Variants in PRKDC observed in about 807,000 individuals in gnomAD.
The protein encoded by PRKDC is DNA-dependent protein kinase catalytic subunit.
PRKDC carries 82 observed loss-of-function variants against 486.9 expected under a neutral mutation model. The observed-to-expected ratio is 0.17, with a 90% confidence interval of 0.14 to 0.20. The LOEUF (loss-of-function observed/expected upper bound fraction) is 0.20, where lower values mean the gene tolerates loss of function less well. Among genes scored for constraint, PRKDC ranks in the 10% least tolerant of loss-of-function variants. The pLI is 1.00. For missense variants in PRKDC, 4,504 were observed against 5,038.2 expected, an observed-to-expected ratio of 0.89 and a Z score of 3.21; for synonymous variants, 1,895 against 1,837.0, an observed-to-expected ratio of 1.03 and a Z score of -0.81.
At chr8:47,921,233 C>A (rs993009124) in intron 21 of PRKDC, among the ~76,000 whole-genome samples, 1 of 150,292 alleles carries the variant, frequency 6.7e-6, no homozygotes, top group Non-Finnish European at 1.5e-5. Context: ...CCAGCCTGGG[C>A]GACAGAGCGA....
intron 12 of PRKDC, 30 bp from the exon 13 acceptor site, chr8:47,935,930 T>C (rs189406834): frequency 6.3e-7 from 1 of 1,584,196 alleles, no homozygotes; most frequent in Non-Finnish European, 8.6e-7. Context: ...AACCGTGAGT[T>C]AGAGGAGGTA....
chr8:47,929,393 C>T (rs2154503501), intron 18 of PRKDC, among the ~76,000 whole-genome samples: 1 of 152,366 alleles, frequency 6.6e-6, no homozygotes, highest in African/African-American at 2.4e-5. Flanking sequence ...AAGCCAAGCA[C>T]ACAGCTAAGT....
At chr8:47,949,650 AG>A (rs2090595466) in intron 7 of PRKDC, among the ~76,000 whole-genome samples, 1 of 152,184 alleles carries the variant, frequency 6.6e-6, no homozygotes, top group Non-Finnish European at 1.5e-5. Flanking sequence ...GCTGTCACAG[AG>A]GGGAGTACAG....
intron 67 of PRKDC, among the ~76,000 whole-genome samples, chr8:47,818,076 T>C (rs1936399394): frequency 6.6e-6 from 1 of 152,198 alleles, no homozygotes; most frequent in African/African-American, 2.4e-5. Flanking sequence ...AAGAGATTCA[T>C]AATAATCTTC....
At chr8:47,888,932 G>A in intron 33 of PRKDC, 82 bp downstream of exon 33, 1 of 1,385,856 alleles carries the variant, frequency 7.2e-7, no homozygotes, top group Non-Finnish European at 1.0e-6. Context: ...TGAGGAAGCA[G>A]GAGCAGCTGC....
At chr8:47,846,454 C>T (rs192660060) in intron 54 of PRKDC, among the ~76,000 whole-genome samples, 1 of 151,688 alleles carries the variant, frequency 6.6e-6, no homozygotes, top group East Asian at 1.9e-4. Flanking sequence ...AATCCAACAT[C>T]CTTGCATGAT....
At chr8:47,849,967 C>A (rs1336545259) in intron 52 of PRKDC, among the ~76,000 whole-genome samples, 1 of 152,198 alleles carries the variant, frequency 6.6e-6, no homozygotes, top group Non-Finnish European at 1.5e-5. Context: ...ACACAGCAGT[C>A]CCCATCACTG....
chr8:47,919,546 G>A (rs990461249), intron 21 of PRKDC, among the ~76,000 whole-genome samples: 1 of 152,192 alleles, frequency 6.6e-6, no homozygotes, highest in Non-Finnish European at 1.5e-5. Flanking sequence ...GCTGCGCCGC[G>A]GGAGGGCACC....
At chr8:47,947,916 A>T (rs2090560604) in intron 7 of PRKDC, among the ~76,000 whole-genome samples, 1 of 151,954 alleles carries the variant, frequency 6.6e-6, no homozygotes, top group African/African-American at 2.4e-5. Context: ...CTCAAAAAGA[A>T]AAATAAAATA....
chr8:47,863,548 G>A lies in PRKDC; in HGVS notation c.5601C>T (p.Ile1867=), dbSNP rs771351794. Residue 1867 remains isoleucine, a synonymous_variant, in exon 42 of 86, where the codon ATC becomes ATT. Coordinates refer to ENST00000314191, the MANE Select transcript of PRKDC (RefSeq NM_006904.7). The part of the protein sequence containing the change: ...KLNESTFDTQ[I]TKKMGYYKIL... Reference sequence around the variant, plus strand: ...TCTTATAGTAGCCCATCTTCTTGGTGATTTGAGTATCAAAGGTAGATTCAT... The same window carrying A: ...TCTTATAGTAGCCCATCTTCTTGGTAATTTGAGTATCAAAGGTAGATTCAT... The A allele has an allele frequency of 3.8e-5, 61 of 1,612,200 alleles. No homozygotes were observed. Among genetic ancestry groups the A allele is most frequent in the Non-Finnish European group, 4.8e-5 (57 of 1,179,040 alleles).
At chr8:47,822,308 C>T (rs1267598026) in intron 64 of PRKDC, among the ~76,000 whole-genome samples, 1 of 148,340 alleles carries the variant, frequency 6.7e-6, no homozygotes, top group Non-Finnish European at 1.5e-5. Flanking sequence ...AAAAAAGCCA[C>T]AAAAATCCTA....
intron 30 of PRKDC, among the ~76,000 whole-genome samples, chr8:47,893,878 TA>T (rs1390970412): frequency 6.6e-6 from 1 of 152,220 alleles, no homozygotes; most frequent in Non-Finnish European, 1.5e-5. Flanking sequence ...ATTAAAAAGA[TA>T]AATACATAAA....
intron 76 of PRKDC, among the ~76,000 whole-genome samples, chr8:47,787,042 A>G (rs1461648964): frequency 6.6e-6 from 1 of 152,164 alleles, no homozygotes; most frequent in Non-Finnish European, 1.5e-5. Flanking sequence ...GTTTATTTCT[A>G]AAAGCAATTA....
At position 47,912,452 on chromosome 8, in the gene PRKDC, C is replaced by T. The variant is rs1212026146; in HGVS notation, c.2892G>A (p.Arg964=). 1.2e-6 allele frequency: 2 copies of T among 1,608,972 alleles called. No homozygotes were observed. The highest frequency in any genetic ancestry group is 1.7e-6 in the Non-Finnish European group (2 of 1,177,608). The change falls in exon 25 of 86, where the codon CGG becomes CGA. Residue 964 remains arginine, a synonymous_variant. Transcript: ENST00000314191. ...GAPPMYQLYK[R]TFPVLLRLAC... Reference sequence around the variant, plus strand: ...CAAGTCGAAGCAGCACAGGAAACGTCCGCTTATAGAGCTGGTACATGGGTG... The same window carrying T: ...CAAGTCGAAGCAGCACAGGAAACGTTCGCTTATAGAGCTGGTACATGGGTG...
rs377275010 is a variant in PRKDC, at chr8:47,801,674, C to T, written c.9923-688G>A. On this transcript the variant is annotated intron_variant, in intron 70 of 85. Transcript: ENST00000314191. The stretch of plus-strand genomic sequence containing the variant: ...TCCAGAGTAGATCTTTAAATTGGCA[C>T]TGTGGCCCATAGCTAATGAAGCAAC... Among the ~76,000 whole-genome samples, 28 of 152,238 alleles carry T rather than the reference C, an allele frequency of 1.8e-4. 1 individual carries two copies. Among genetic ancestry groups the T allele is most frequent in the African/African-American group, 6.5e-4 (27 of 41,522 alleles).
intron 63 of PRKDC, 39 bp from the exon 64 acceptor site, chr8:47,824,035 C>G: frequency 6.8e-7 from 1 of 1,470,142 alleles, no homozygotes; most frequent in Non-Finnish European, 9.1e-7. Context: ...AATGAACACT[C>G]CAGTATTTTA....
intron 64 of PRKDC, 46 bp downstream of exon 64, chr8:47,823,811 CA>C: frequency 6.2e-7 from 1 of 1,604,450 alleles, no homozygotes; most frequent in Non-Finnish European, 8.5e-7. Flanking sequence ...CAGCAGAAAA[CA>C]AAAGTGTTGA....
rs377441032 is a variant in PRKDC at position 47,803,508 on chromosome 8, G to C, written c.9748-28C>G. The C allele has an allele frequency of 5.2e-5, 84 of 1,609,104 alleles. 1 individual carries two copies. The highest frequency in any genetic ancestry group is 1.3e-4 in the Admixed American group (8 of 59,972). On this transcript the variant is annotated intron_variant, in intron 69 of 85. Coordinates refer to ENST00000314191, the MANE Select transcript of PRKDC (RefSeq NM_006904.7). ...GTATGAATACAATAAAAAGAGAGAAGGTGGTATGATGATACACAAGTGACA... is the reference window on the plus strand; with the variant it reads ...GTATGAATACAATAAAAAGAGAGAACGTGGTATGATGATACACAAGTGACA...
chr8:47,801,008 AC>A, intron 70 of PRKDC, 22 bp from the exon 71 acceptor site: 1 of 1,603,104 alleles, frequency 6.2e-7, no homozygotes, highest in Non-Finnish European at 8.5e-7. Context: ...AAAAAACAAA[AC>A]AAAACAAAAT....
Sources: gnomAD v4.1 joint callset for allele counts (sites outside exome capture counted in the v4.1 genomes callset) on GRCh38, gnomAD v4.1.1 for gene constraint, MANE v1.5 for transcripts, NCBI Gene and HGNC (gene_info 2026-07-23, HGNC 2026-07-21) for gene names.